Variants in SKI observed in about 807,000 individuals in gnomAD.
SKI encodes ski oncogene.
SKI carries 23 observed loss-of-function variants against 59.3 expected under a neutral mutation model. The ratio of observed to expected loss-of-function variants is 0.39; its 90% CI spans 0.28 to 0.55. SKI has a LOEUF of 0.55. Among genes scored for constraint, SKI ranks in the 20% least tolerant of loss-of-function variants. SKI has a pLI of 0.67. For missense variants in SKI, 1,017 were observed against 1,038.9 expected (o/e 0.98, Z 0.29); for synonymous variants, 673 against 488.6 (o/e 1.38, Z -4.98).
chr1:2,277,570 C>T (rs1361076398), intron 1 of SKI, among the ~76,000 whole-genome samples: 2 of 152,204 alleles, frequency 1.3e-5, no homozygotes, highest in Non-Finnish European at 2.9e-5. Flanking sequence ...ACTGTAAGTC[C>T]AATTAAACCT....
At chr1:2,283,140 G>T (rs1225997839) in intron 1 of SKI, among the ~76,000 whole-genome samples, 2 of 152,258 alleles carry the variant, frequency 1.3e-5, no homozygotes, top group Non-Finnish European at 2.9e-5. Flanking sequence ...CTTTGTCGGG[G>T]ATCCTGAGAG....
At position 2,302,101 on chromosome 1, in the gene SKI, G is replaced by A. The variant is rs529533328; in HGVS notation, c.970-877G>A. Among the ~76,000 whole-genome samples the A allele has an allele frequency of 5.3e-5, 8 of 152,294 alleles. No individual in the cohort carries two copies. The East Asian group carries it at 1.5e-3, about 29-fold the overall frequency. On this transcript the variant is annotated intron_variant, in intron 1 of 6. Transcript: ENST00000378536. Reference sequence around the variant, plus strand: ...CCTGAGGCTGGATGTACCGGCTCAGGCCCCCAGCACACAACCCACATCACT... The same window carrying A: ...CCTGAGGCTGGATGTACCGGCTCAGACCCCCAGCACACAACCCACATCACT...
intron 1 of SKI, among the ~76,000 whole-genome samples, chr1:2,246,741 A>G (rs964101910): frequency 2.2e-4 from 33 of 152,184 alleles, no homozygotes; most frequent in African/African-American, 7.9e-4. Context: ...TGTGAGTGCC[A>G]TTGGGGGAGG....
At chr1:2,260,728 A>G (rs1473337156) in intron 1 of SKI, among the ~76,000 whole-genome samples, 3 of 150,052 alleles carry the variant, frequency 2.0e-5, no homozygotes, top group Non-Finnish European at 4.4e-5. Flanking sequence ...TTTTGTAGAG[A>G]CGGGGTTTCG....
chr1:2,245,675 C>A (rs936694722), intron 1 of SKI, among the ~76,000 whole-genome samples: 1 of 151,760 alleles, frequency 6.6e-6, no homozygotes, highest in African/African-American at 2.4e-5. Flanking sequence ...GGGGTTTCAC[C>A]ATGTTGGCCA....
intron 1 of SKI, chr1:2,240,889 G>A: frequency 2.6e-6 from 2 of 772,170 alleles, no homozygotes; most frequent in Non-Finnish European, 3.1e-6. Flanking sequence ...AAGTGGCCCT[G>A]CGTCGACCCC....
intron 1 of SKI, 143 bp from the exon 2 acceptor site, chr1:2,302,835 C>G: frequency 8.6e-7 from 1 of 1,158,126 alleles, no homozygotes; most frequent in Non-Finnish European, 1.3e-6. Context: ...GGGGGGTGCC[C>G]TGGAATCTGC....
intron 1 of SKI, among the ~76,000 whole-genome samples, chr1:2,260,535 C>CTTTTTTTTTTGTTTTTTTTTTTTTTTTTT (rs1639363044): frequency 1.5e-5 from 1 of 67,820 alleles, no homozygotes; most frequent in Non-Finnish European, 2.6e-5. Context: ...TGTTCTTTTT[C>CTTTTTTTTTTGTTTTTTTTTTTTTTTTTT]TTTTTTTTTT....
intron 1 of SKI, among the ~76,000 whole-genome samples, chr1:2,291,694 C>T (rs1275448630): frequency 4.4e-5 from 2 of 45,154 alleles, no homozygotes; most frequent in African/African-American, 2.8e-4. Context: ...TGCCCCTTGG[C>T]TCTGGCATTG....
Position 2,296,416 on chromosome 1 carries a change from C to G in SKI, c.970-6562C>G, listed in dbSNP as rs143128983. On this transcript the variant is annotated intron_variant, in intron 1 of 6. Transcript: ENST00000378536. ...GTCTCAAAAACAAACAAACCCAGTT[C>G]TAGCCATCGTTGTGGGCGTGAGTTG... 2.4e-3 allele frequency among the ~76,000 whole-genome samples: 372 copies of G among 152,172 alleles called. 5 individuals carry two copies. Among genetic ancestry groups the G allele is most frequent in the African/African-American group, 8.5e-3 (353 of 41,520 alleles).
chr1:2,239,740 A>G (rs1008096448), intron 1 of SKI, among the ~76,000 whole-genome samples: 4 of 152,254 alleles, frequency 2.6e-5, no homozygotes, highest in Non-Finnish European at 5.9e-5. Context: ...TTCCTGGCCA[A>G]CGGGAGGCTT....
intron 1 of SKI, among the ~76,000 whole-genome samples, chr1:2,284,124 A>G (rs919639785): frequency 2.0e-5 from 3 of 152,188 alleles, no homozygotes; most frequent in East Asian, 3.9e-4. Context: ...TCCTGTCCAC[A>G]TGGACCTCCC....
chr1:2,228,331 C>T lies in SKI; in HGVS notation c.-436C>T, dbSNP rs940662450. On this transcript the variant is annotated 5_prime_UTR_variant, in exon 1 of 7. Coordinates refer to ENST00000378536, the MANE Select transcript of SKI (RefSeq NM_003036.4). ...CGCCCGCGCCCCCGCTCCTCCCGGG[C>T]CCCTCGGCCTCGGCCGCCGCGGCGA... Among the ~76,000 whole-genome samples, 2 of 142,634 alleles carry T rather than the reference C, an allele frequency of 1.4e-5. No individual in the cohort carries two copies. The highest frequency in any genetic ancestry group is 2.1e-4 in the South Asian group (1 of 4,698). The allele number at this position is 142,634 out of a possible 152,430, so 93.6% of individuals were successfully genotyped here.
In SKI at chr1:2,269,987, CGGGTCTGGT is replaced by C. The variant is rs1354114543; in HGVS notation, c.970-32988_970-32980del. 3.8e-5 allele frequency among the ~76,000 whole-genome samples: 5 copies of C among 132,408 alleles called. No homozygotes were observed. Among genetic ancestry groups the C allele is most frequent in the Non-Finnish European group, 8.2e-5 (5 of 61,288 alleles). The allele number at this position is 132,408 out of a possible 152,430, so 86.9% of individuals were successfully genotyped here. A position where few individuals can be genotyped will look rare whatever the true frequency, so the allele number is the denominator to read the frequency against. On this transcript the variant is annotated intron_variant, in intron 1 of 6. Transcript: ENST00000378536. This position sits in a 1 kb window ranked among gnomAD's most constrained non-coding sequence, Gnocchi z 4.7. ...GTGCCTGTGGCTGGCGTGGGTCTGG[CGGGTCTGGT>C]GGTGCCTGTGGCTGGCGTGGGTCTG...
Position 2,228,706 on chromosome 1 carries a change from C to G in SKI, c.-61C>G. 7.3e-6 allele frequency: 7 copies of G among 960,280 alleles called. No individual in the cohort carries two copies. Among genetic ancestry groups the G allele is most frequent in the Non-Finnish European group, 8.6e-6 (7 of 810,946 alleles). The allele number at this position is 960,280 out of a possible 1,614,324, so 59.5% of individuals were successfully genotyped here. ...GCCGCCGGGGCGCGCGGGGCGGCGG[C>G]GGGGGCCGGGGGGGCCCGGGCGCGC... On this transcript the variant is annotated 5_prime_UTR_variant, in exon 1 of 7. Coordinates refer to ENST00000378536, the MANE Select transcript of SKI (RefSeq NM_003036.4).
chr1:2,272,763 G>A (rs1055312681), intron 1 of SKI, among the ~76,000 whole-genome samples: 1 of 152,124 alleles, frequency 6.6e-6, no homozygotes, highest in Non-Finnish European at 1.5e-5. Context: ...TCTGGTTCCC[G>A]TCTCCCCTGC....
intron 1 of SKI, among the ~76,000 whole-genome samples, chr1:2,274,014 C>T (rs939178690): frequency 1.3e-5 from 2 of 151,902 alleles, no homozygotes; most frequent in African/African-American, 4.8e-5. Flanking sequence ...TGCTGAGCGC[C>T]CATGCGTGTG....
intron 1 of SKI, among the ~76,000 whole-genome samples, chr1:2,242,214 A>G (rs922727641): frequency 6.6e-6 from 1 of 152,172 alleles, no homozygotes; most frequent in African/African-American, 2.4e-5. Flanking sequence ...GTATGTGAAC[A>G]CTTCCCGTGC....
intron 1 of SKI, among the ~76,000 whole-genome samples, chr1:2,235,425 C>G (rs568117193): frequency 1.3e-5 from 2 of 152,316 alleles, no homozygotes; most frequent in East Asian, 3.9e-4. Flanking sequence ...CCTGTTCTCT[C>G]GAGGCCTGGT....
Sources: gnomAD v4.1 joint callset for allele counts (sites outside exome capture counted in the v4.1 genomes callset) on GRCh38, gnomAD v4.1.1 for gene constraint, Gnocchi (gnomAD v3.1) non-coding constraint, MANE v1.5 for transcripts, NCBI Gene and HGNC (gene_info 2026-07-23, HGNC 2026-07-21) for gene names.